OR4K1: variants seen among roughly 807,000 people sequenced by gnomAD.
The protein encoded by OR4K1 is olfactory receptor family 4 subfamily K member 1.
In OR4K1, 16 loss-of-function variants were observed where a neutral mutation model predicts 14.4. The observed-to-expected ratio is 1.11, with a 90% confidence interval of 0.75 to 1.68. OR4K1 has a LOEUF of 1.68. Ranked by LOEUF, OR4K1 falls within the 40% of genes most tolerant of loss-of-function variation. OR4K1 has a pLI of 0.00. For synonymous variants in OR4K1, 181 were observed against 133.1 expected (o/e 1.36, Z -2.48); for missense variants, 548 against 376.9 (o/e 1.45, Z -3.76).
the OR4K1 span, among the ~76,000 whole-genome samples, chr14:19,924,898 C>T: frequency 6.6e-5 from 10 of 152,190 alleles, no homozygotes; most frequent in African/African-American, 1.2e-4. Flanking sequence ...CATCGTATTT[C>T]GGTTAGGATT....
chr14:19,929,527 C>A (rs553761048), upstream of OR4K1, among the ~76,000 whole-genome samples: 12 of 152,074 alleles, frequency 7.9e-5, no homozygotes, highest in Admixed American at 1.3e-4. Context: ...GCAAATATTT[C>A]TTGTCTACTG....
chr14:19,933,480 T>TGCCA (rs775165872), intron 1 of OR4K1, among the ~76,000 whole-genome samples: 4 of 152,232 alleles, frequency 2.6e-5, no homozygotes, highest in Non-Finnish European at 5.9e-5. Context: ...TGATTAGAGA[T>TGCCA]GCCAGCATTG....
At chr14:19,921,963 T>G in the OR4K1 span, among the ~76,000 whole-genome samples, 2 of 152,228 alleles carry the variant, frequency 1.3e-5, no homozygotes, top group Non-Finnish European at 2.9e-5. Flanking sequence ...TGTGGATGAA[T>G]AGTATTTAAG....
chr14:19,930,916 A>C (rs1237095568), upstream of OR4K1: 1 of 152,288 alleles, frequency 6.6e-6, no homozygotes, highest in African/African-American at 2.4e-5. Flanking sequence ...GGTTGAGTGC[A>C]AGGTGATCAG....
upstream of OR4K1, among the ~76,000 whole-genome samples, chr14:19,928,476 T>C (rs1389146404): frequency 6.6e-6 from 1 of 152,192 alleles, no homozygotes; most frequent in Non-Finnish European, 1.5e-5. Context: ...ATTCATGTCT[T>C]GTCTTTGCCA....
rs767742893 is a variant in OR4K1 at position 19,936,215 on chromosome 14, G to C, written c.549G>C (p.Leu183Phe). Residue 183 changes from leucine to phenylalanine, a missense_variant, in exon 2 of 2, where the codon TTG (leucine) becomes TTC (phenylalanine). Coordinates refer to ENST00000641172, the MANE Select transcript of OR4K1 (RefSeq NM_001004063.3). ...ATAGCTTCTTTTGTGACCTTCCCTT[G>C]GTGATAGAGCTGGCTTGCATGGATA... Reference protein sequence around the residue: ...EVDSFFCDLPLVIELACMDTY... With the variant: ...EVDSFFCDLPFVIELACMDTY... 4 of 1,614,074 alleles carry C rather than the reference G, an allele frequency of 2.5e-6. No individual in the cohort carries two copies. Among genetic ancestry groups the C allele is most frequent in the Admixed American group, 1.7e-5 (1 of 60,006 alleles).
chr14:19,926,434 G>A (rs1358627958), upstream of OR4K1, among the ~76,000 whole-genome samples: 1 of 152,244 alleles, frequency 6.6e-6, no homozygotes, highest in Non-Finnish European at 1.5e-5. Context: ...AGACCTGTGA[G>A]TAGGAAGTGA....
In OR4K1 at chr14:19,936,318, T is replaced by C. The variant is rs1156757522; in HGVS notation, c.652T>C (p.Tyr218His). 5 of 1,614,162 alleles carry C rather than the reference T, an allele frequency of 3.1e-6. No individual in the cohort carries two copies. In the African/African-American group the frequency reaches 5.3e-5, roughly 17 times the overall value. The change falls in exon 2 of 2, where the codon TAC becomes CAC. Residue 218 changes from tyrosine to histidine, a missense_variant. Transcript: ENST00000641172. ...CTGTTTCCTGGCTTTAATTATTTCC[T>C]ACACCATCATTTTGATCGGTGTCCG... ...LSCFLALIIS[Y>H]TIILIGVRCR...
intron 1 of OR4K1, 156 bp downstream of exon 1, chr14:19,931,301 C>T (rs1171185688): frequency 2.0e-5 from 3 of 152,268 alleles, no homozygotes; most frequent in Non-Finnish European, 4.4e-5. Context: ...AAGAATATTC[C>T]TGTTCTCCAC....
intron 1 of OR4K1, chr14:19,931,420 C>A (rs909942460): frequency 6.6e-6 from 1 of 152,292 alleles, no homozygotes; most frequent in East Asian, 1.9e-4. Flanking sequence ...TTATCTGTCC[C>A]TTCTCTGACC....
chr14:19,921,502 G>A, the OR4K1 span: 2 of 1,613,988 alleles, frequency 1.2e-6, no homozygotes, highest in South Asian at 1.1e-5. Flanking sequence ...GCTGCCGTAA[G>A]GAAAATTGTG....
chr14:19,933,323 C>CTTAT (rs1434916557), intron 1 of OR4K1, among the ~76,000 whole-genome samples: 1 of 152,138 alleles, frequency 6.6e-6, no homozygotes, highest in African/African-American at 2.4e-5. Flanking sequence ...GAGTCAAATG[C>CTTAT]TATAAGCAGT....
Position 19,936,185 on chromosome 14 carries a change from G to T in OR4K1, c.519G>T (p.Glu173Asp), listed in dbSNP as rs150151690. 2.5e-6 allele frequency: 4 copies of T among 1,614,136 alleles called. No individual in the cohort carries two copies. Among genetic ancestry groups the T allele is most frequent in the African/African-American group, 1.3e-5 (1 of 74,954 alleles). Residue 173 changes from glutamate to aspartate, a missense_variant, in exon 2 of 2, where the codon GAG becomes GAT. Glu to Asp is a conservative substitution (Grantham distance 45, BLOSUM62 2). Coordinates refer to ENST00000641172, the MANE Select transcript of OR4K1 (RefSeq NM_001004063.3). The stretch of plus-strand genomic sequence containing the variant: ...ACCTGCCATTCTGTGGTCCCAATGA[G>T]GTGGATAGCTTCTTTTGTGACCTTC... ...TVDLPFCGPN[E>D]VDSFFCDLPL...
At chr14:19,926,546 A>G (rs1594451921), upstream of OR4K1, among the ~76,000 whole-genome samples, 1 of 152,266 alleles carries the variant, frequency 6.6e-6, no homozygotes, top group East Asian at 1.9e-4. Flanking sequence ...CTATCCTCTC[A>G]TTACATAAAA....
the OR4K1 span, chr14:19,920,717 C>T: frequency 5.0e-6 from 8 of 1,614,090 alleles, 1 homozygote; most frequent in South Asian, 8.8e-5. Flanking sequence ...TGTATACAGT[C>T]ATTGTGCTGG....
Position 19,934,824 on chromosome 14 carries a change from C to A in OR4K1, c.-19-824C>A, listed in dbSNP as rs560196610. The stretch of plus-strand genomic sequence containing the variant: ...TAGGGGGGAATACAGGTGCCCACCA[C>A]CACGCCCGGCTAATTTTTTTGTATT... On this transcript the variant is annotated intron_variant, in intron 1 of 1. Transcript: ENST00000641172. Among the ~76,000 whole-genome samples, 5 of 152,320 alleles carry A rather than the reference C, an allele frequency of 3.3e-5. No individual in the cohort carries two copies. In the South Asian group the frequency reaches 1.0e-3, roughly 32 times the overall value.
At chr14:19,920,958 A>T in the OR4K1 span, 1 of 1,614,140 alleles carries the variant, frequency 6.2e-7, no homozygotes, top group Non-Finnish European at 8.5e-7. Context: ...ACTTGTTTCG[A>T]TGGCCTATGA....
At chr14:19,928,191 T>C (rs759787045), upstream of OR4K1, among the ~76,000 whole-genome samples, 3 of 152,232 alleles carry the variant, frequency 2.0e-5, no homozygotes, top group African/African-American at 4.8e-5. Context: ...AAGGCATAGA[T>C]TGGACTCTCT....
chr14:19,934,538 G>A (rs1232026632), intron 1 of OR4K1, among the ~76,000 whole-genome samples: 12 of 152,230 alleles, frequency 7.9e-5, no homozygotes, highest in African/African-American at 2.7e-4. Context: ...GGTGAACTTT[G>A]ATTAACTATT....
Sources: gnomAD v4.1 joint callset for allele counts (sites outside exome capture counted in the v4.1 genomes callset) on GRCh38, gnomAD v4.1.1 for gene constraint, MANE v1.5 for transcripts, NCBI Gene and HGNC (gene_info 2026-07-23, HGNC 2026-07-21) for gene names.